TLE1: variants seen among roughly 807,000 people sequenced by gnomAD.
TLE1 encodes the protein transducin-like enhancer protein 1.
Under a neutral mutation model 89.8 loss-of-function variants are expected in TLE1, and 21 were observed. The observed-to-expected ratio is 0.23, with a 90% confidence interval of 0.17 to 0.34. The LOEUF is 0.34. Among genes scored for constraint, TLE1 ranks in the 10% least tolerant of loss-of-function variants. TLE1 has a pLI of 1.00. For synonymous variants in TLE1, 447 were observed against 407.6 expected, an observed-to-expected ratio of 1.10 and a Z score of -1.16; for missense variants, 795 against 1,031.2, an observed-to-expected ratio of 0.77 and a Z score of 3.14.
chr9:81,671,512 G>C (rs1468158473), intron 4 of TLE1, among the ~76,000 whole-genome samples: 1 of 152,086 alleles, frequency 6.6e-6, no homozygotes, highest in Non-Finnish European at 1.5e-5. Flanking sequence ...GGGCGTGGTG[G>C]CATGTGCCTG....
At chr9:81,658,020 C>G (rs1430743787) in intron 4 of TLE1, among the ~76,000 whole-genome samples, 1 of 151,158 alleles carries the variant, frequency 6.6e-6, no homozygotes, top group African/African-American at 2.4e-5. Context: ...AAGGAACTCT[C>G]CTGCCTCAGC....
At chr9:81,681,348 C>A (rs886900647) in intron 4 of TLE1, among the ~76,000 whole-genome samples, 2 of 151,974 alleles carry the variant, frequency 1.3e-5, no homozygotes, top group Non-Finnish European at 2.9e-5. Flanking sequence ...GTCAGGAGTT[C>A]GAGACCAGCC....
In TLE1 at chr9:81,584,381, T is replaced by C; in HGVS notation, c.2205+67A>G. The C allele has an allele frequency of 1.2e-6, 2 of 1,609,178 alleles. No homozygotes were observed. Among genetic ancestry groups the C allele is most frequent in the Middle Eastern group, 1.7e-4 (1 of 6,048 alleles). On this transcript the variant is annotated intron_variant, in intron 19 of 19. Coordinates refer to ENST00000376499, the MANE Select transcript of TLE1 (RefSeq NM_005077.5). ...GAGGCCCTGCTCCCTCGGAGGCACC[T>C]TCACTCCTGGCTTCAGAGGCGACAC...
rs35060460 is a variant in TLE1, at chr9:81,675,698, G to GTTTTTTTTTTTTTTTTTTTTTTTTT, written c.234+9977_234+9978insAAAAAAAAAAAAAAAAAAAAAAAAA. Among the ~76,000 whole-genome samples, 141 of 129,594 alleles carry GTTTTTTTTTTTTTTTTTTTTTTTTT rather than the reference G, an allele frequency of 1.1e-3. 18 individuals carry two copies. The highest frequency in any genetic ancestry group is 3.6e-3 in the South Asian group (15 of 4,130). 85.0% of individuals were successfully genotyped at this position (129,594 alleles called of 152,430 possible). Reference sequence around the variant, plus strand: ...AATTTTAGCATAAGGACTCACACTAGTTTTTTTTTGTTTTTTTTTTTGAGA... The same window carrying GTTTTTTTTTTTTTTTTTTTTTTTTT: ...AATTTTAGCATAAGGACTCACACTAGTTTTTTTTTTTTTTTTTTTTTTTTTTTTTTTTTTGTTTTTTTTTTTGAGA... On this transcript the variant is annotated intron_variant, in intron 4 of 19. Coordinates refer to ENST00000376499, the MANE Select transcript of TLE1 (RefSeq NM_005077.5).
intron 12 of TLE1, chr9:81,612,164 C>A: frequency 1.6e-6 from 1 of 634,170 alleles, no homozygotes; most frequent in Admixed American, 4.4e-5. Context: ...AGAAAAGACT[C>A]CAGGGGAAGC....
At chr9:81,662,059 G>A (rs1444903250) in intron 4 of TLE1, among the ~76,000 whole-genome samples, 2 of 152,136 alleles carry the variant, frequency 1.3e-5, no homozygotes, top group Non-Finnish European at 2.9e-5. Context: ...CAAATGAAAA[G>A]CATTCCATGC....
intron 14 of TLE1, among the ~76,000 whole-genome samples, chr9:81,604,394 T>C (rs1415666394): frequency 1.3e-5 from 2 of 152,202 alleles, no homozygotes; most frequent in South Asian, 2.1e-4. Context: ...AGACAAATTC[T>C]AGCCAGAAGA....
chr9:81,617,830 C>T (rs868247134), intron 9 of TLE1, among the ~76,000 whole-genome samples: 1 of 152,172 alleles, frequency 6.6e-6, no homozygotes, highest in Non-Finnish European at 1.5e-5. Flanking sequence ...TCGAGACCAG[C>T]CTGGACAACA....
At chr9:81,648,229 C>T (rs973363717) in intron 6 of TLE1, among the ~76,000 whole-genome samples, 1 of 148,476 alleles carries the variant, frequency 6.7e-6, no homozygotes, top group Admixed American at 6.8e-5. Flanking sequence ...GCCGAGATCA[C>T]ACCACTGCAC....
intron 6 of TLE1, among the ~76,000 whole-genome samples, chr9:81,639,544 G>C (rs1372821292): frequency 6.7e-6 from 1 of 149,546 alleles, no homozygotes; most frequent in Non-Finnish European, 1.5e-5. Flanking sequence ...GAACACACAT[G>C]CAAAAGTTTG....
chr9:81,687,205 G>A (rs1363108810), intron 2 of TLE1, 129 bp downstream of exon 2: 8 of 700,876 alleles, frequency 1.1e-5, no homozygotes, highest in Non-Finnish European at 1.7e-5. Flanking sequence ...TGAATGACAG[G>A]TCTTAACTGA....
At chr9:81,631,957 C>T (rs1304835778) in intron 8 of TLE1, among the ~76,000 whole-genome samples, 4 of 152,134 alleles carry the variant, frequency 2.6e-5, no homozygotes, top group African/African-American at 7.2e-5. Context: ...ACAAAATTAG[C>T]CAGGTGTGGT....
chr9:81,651,382 G>C (rs1450031121), intron 6 of TLE1, among the ~76,000 whole-genome samples: 1 of 152,104 alleles, frequency 6.6e-6, no homozygotes, highest in African/African-American at 2.4e-5. Flanking sequence ...GGAATGCACG[G>C]TTCACCAGAT....
intron 4 of TLE1, among the ~76,000 whole-genome samples, chr9:81,679,329 T>TGTCC (rs1279301150): frequency 6.6e-6 from 1 of 152,078 alleles, no homozygotes; most frequent in African/African-American, 2.4e-5. Context: ...TTTTCCCCTG[T>TGTCC]GGACCCTGCT....
At chr9:81,680,104 TATGCTGGGATGGCTCCCACC>T (rs1261691072) in intron 4 of TLE1, among the ~76,000 whole-genome samples, 2 of 152,204 alleles carry the variant, frequency 1.3e-5, no homozygotes, top group African/African-American at 4.8e-5. Context: ...TCTGCGGGTG[TATGCTGGGATGGCTCCCACC>T]ATGCGAGGGA....
intron 4 of TLE1, among the ~76,000 whole-genome samples, chr9:81,682,322 T>C (rs1035955770): frequency 2.0e-5 from 3 of 150,634 alleles, no homozygotes; most frequent in African/African-American, 7.3e-5. Flanking sequence ...CAAGCTTCAA[T>C]AGATGCGTGG....
chr9:81,595,984 C>T (rs754013655), intron 14 of TLE1, among the ~76,000 whole-genome samples: 2 of 151,950 alleles, frequency 1.3e-5, no homozygotes, highest in African/African-American at 2.4e-5. Flanking sequence ...TCAAGCTGGG[C>T]GCCTCCAGGT....
At chr9:81,673,726 G>C (rs1435669809) in intron 4 of TLE1, among the ~76,000 whole-genome samples, 1 of 152,138 alleles carries the variant, frequency 6.6e-6, no homozygotes, top group Admixed American at 6.5e-5. Context: ...GCTTCTGGCG[G>C]ACCAATTCCT....
chr9:81,606,349 C>G (rs1831651363), intron 14 of TLE1, among the ~76,000 whole-genome samples: 1 of 152,158 alleles, frequency 6.6e-6, no homozygotes, highest in Admixed American at 6.5e-5. Flanking sequence ...CTATTCAAAA[C>G]AGCAAAGACT....
Sources: allele counts gnomAD v4.1 joint callset (sites outside exome capture counted in the v4.1 genomes callset), GRCh38; gene constraint gnomAD v4.1.1; transcripts MANE v1.5; gene names NCBI Gene and HGNC (gene_info 2026-07-23, HGNC 2026-07-21).